Variants in DCBLD2 observed in about 807,000 individuals in gnomAD.
DCBLD2 encodes discoidin, CUB and LCCL domain-containing protein 2.
A neutral mutation model predicts 86.8 loss-of-function variants in DCBLD2; 54 were observed. That is an observed-to-expected ratio of 0.62 (90% confidence interval 0.50 to 0.78). The LOEUF (loss-of-function observed/expected upper bound fraction) is 0.78. Among genes scored for constraint, DCBLD2 ranks in the 30% least tolerant of loss-of-function variants. The pLI is 0.00. For synonymous variants in DCBLD2, 354 were observed against 341.3 expected (o/e 1.04, Z -0.41); for missense variants, 908 against 954.2 (o/e 0.95, Z 0.64).
chr3:98,865,808 C>T (rs1943132304), intron 2 of DCBLD2, among the ~76,000 whole-genome samples: 1 of 151,938 alleles, frequency 6.6e-6, no homozygotes. Flanking sequence ...GTGCTGCACC[C>T]ATTAACTCGT....
At chr3:98,824,546 G>A (rs1432224669) in intron 4 of DCBLD2, among the ~76,000 whole-genome samples, 1 of 152,096 alleles carries the variant, frequency 6.6e-6, no homozygotes, top group Admixed American at 6.5e-5. Flanking sequence ...GTGGTAGTAA[G>A]TTCGGAAAAG....
At chr3:98,869,008 G>C (rs1160270319) in intron 2 of DCBLD2, among the ~76,000 whole-genome samples, 7 of 152,118 alleles carry the variant, frequency 4.6e-5, no homozygotes, top group Non-Finnish European at 8.8e-5. Context: ...TGAACTGAAT[G>C]GTAGATCTGT....
chr3:98,855,462 A>G (rs369530141), intron 2 of DCBLD2, among the ~76,000 whole-genome samples: 1 of 152,362 alleles, frequency 6.6e-6, no homozygotes, highest in African/African-American at 2.4e-5. Context: ...TCTTCTACGT[A>G]TAGAAATGTG....
In DCBLD2 at chr3:98,801,315, G is replaced by A. The variant is rs565512304; in HGVS notation, c.1720+285C>T. On this transcript the variant is annotated intron_variant, in intron 14 of 15. Coordinates refer to ENST00000326840, the MANE Select transcript of DCBLD2 (RefSeq NM_080927.4). ...GTGTTCACGTGGGCCACAGAAAGCC[G>A]GTCTCCTCATGAGAAACAGATACAC... 10 of 372,840 alleles carry A rather than the reference G, an allele frequency of 2.7e-5. No individual in the cohort carries two copies. In the South Asian group the frequency reaches 5.3e-4, roughly 20 times the overall value. The allele number at this position is 372,840 out of a possible 1,614,324, so 23.1% of individuals were successfully genotyped here.
chr3:98,866,256 C>A, intron 2 of DCBLD2, among the ~76,000 whole-genome samples: 1 of 152,034 alleles, frequency 6.6e-6, no homozygotes, highest in Non-Finnish European at 1.5e-5. Context: ...AATGGTATTT[C>A]TAGTTCTAGA....
At chr3:98,835,938 C>CTTTCTTTTTTTTTTTTTTTTTTTTT (rs56279917) in intron 3 of DCBLD2, among the ~76,000 whole-genome samples, 2 of 115,052 alleles carry the variant, frequency 1.7e-5, no homozygotes, top group Non-Finnish European at 3.5e-5. Context: ...TCCTTTCTTT[C>CTTTCTTTTTTTTTTTTTTTTTTTTT]TTTTTTTTTT....
chr3:98,845,186 C>G (rs1302039949), intron 3 of DCBLD2, among the ~76,000 whole-genome samples: 1 of 151,978 alleles, frequency 6.6e-6, no homozygotes, highest in Non-Finnish European at 1.5e-5. Context: ...ATGAAAAAAG[C>G]TGAAAACTAT....
chr3:98,820,126 C>T (rs1402641794), intron 7 of DCBLD2, 122 bp downstream of exon 7: 2 of 505,862 alleles, frequency 4.0e-6, no homozygotes, highest in Admixed American at 4.4e-5. Context: ...ACTATCTTAC[C>T]TCATAGTGTT....
At chr3:98,835,864 A>G (rs1942430696) in intron 3 of DCBLD2, among the ~76,000 whole-genome samples, 1 of 150,514 alleles carries the variant, frequency 6.6e-6, no homozygotes, top group African/African-American at 2.4e-5. Context: ...ATATGCTACT[A>G]TAATTATTTG....
chr3:98,796,674 TAAA>T lies in DCBLD2; in HGVS notation c.*2695_*2697del, dbSNP rs752617626. The T allele has an allele frequency of 6.6e-6, 1 of 152,638 alleles. No homozygotes were observed. Among genetic ancestry groups the T allele is most frequent in the Non-Finnish European group, 1.5e-5 (1 of 68,032 alleles). 9.5% of individuals were successfully genotyped at this position (152,638 alleles called of 1,614,324 possible). A position where few individuals can be genotyped will look rare whatever the true frequency, so the allele number is the denominator to read the frequency against. ...AAGTGCAAACAGTGAAACATGAACT[TAAA>T]TAAACTGGACTAGACCCATCACATC... On this transcript the variant is annotated 3_prime_UTR_variant, in exon 16 of 16. Coordinates refer to ENST00000326840, the MANE Select transcript of DCBLD2 (RefSeq NM_080927.4).
intron 1 of DCBLD2, chr3:98,900,697 A>G (rs1943831558): frequency 5.2e-6 from 1 of 191,928 alleles, no homozygotes. Flanking sequence ...CTCTTTCACA[A>G]AGGATCATAA....
chr3:98,821,799 G>A (rs1368035461), intron 6 of DCBLD2, among the ~76,000 whole-genome samples: 2 of 152,252 alleles, frequency 1.3e-5, no homozygotes, highest in East Asian at 3.9e-4. Context: ...TGTAATCCCA[G>A]CACTTTCGGT....
At chr3:98,848,171 T>C (rs1352341411) in intron 3 of DCBLD2, among the ~76,000 whole-genome samples, 1 of 152,136 alleles carries the variant, frequency 6.6e-6, no homozygotes, top group South Asian at 2.1e-4. Flanking sequence ...CCTCTATATG[T>C]CCATGTGTTT....
chr3:98,858,671 CAT>C (rs1462983093), intron 2 of DCBLD2, among the ~76,000 whole-genome samples: 1 of 152,066 alleles, frequency 6.6e-6, no homozygotes, highest in Non-Finnish European at 1.5e-5. Flanking sequence ...ATACCAAAAA[CAT>C]ATGAGGTCAA....
intron 1 of DCBLD2, among the ~76,000 whole-genome samples, chr3:98,897,298 C>T (rs1203052829): frequency 1.3e-5 from 2 of 152,166 alleles, no homozygotes; most frequent in Non-Finnish European, 2.9e-5. Context: ...CAAAAATGTG[C>T]TGTTTCAATC....
intron 3 of DCBLD2, among the ~76,000 whole-genome samples, chr3:98,843,103 C>A (rs1942650292): frequency 6.6e-6 from 1 of 152,164 alleles, no homozygotes; most frequent in Non-Finnish European, 1.5e-5. Flanking sequence ...TGTTTAAATT[C>A]TCTTTCTCTG....
intron 2 of DCBLD2, among the ~76,000 whole-genome samples, chr3:98,867,760 G>C (rs1331027356): frequency 6.6e-6 from 1 of 151,654 alleles, no homozygotes; most frequent in Admixed American, 6.6e-5. Context: ...TCATGGAAAA[G>C]CATTTTTTTT....
chr3:98,849,689 C>G, intron 2 of DCBLD2, 91 bp from the exon 3 acceptor site: 1 of 1,375,070 alleles, frequency 7.3e-7, no homozygotes, highest in Non-Finnish European at 9.9e-7. Context: ...AATAATATAC[C>G]AAGCTGGCTG....
intron 4 of DCBLD2, 114 bp downstream of exon 4, chr3:98,825,201 T>A: frequency 2.8e-6 from 2 of 710,522 alleles, no homozygotes; most frequent in Non-Finnish European, 4.2e-6. Context: ...GGAACAATGA[T>A]ATGTATCACA....
Sources: allele counts gnomAD v4.1 joint callset (sites outside exome capture counted in the v4.1 genomes callset), GRCh38; gene constraint gnomAD v4.1.1; transcripts MANE v1.5; gene names NCBI Gene and HGNC (gene_info 2026-07-23, HGNC 2026-07-21).